Variants in ACRV1 observed in about 807,000 individuals in gnomAD.
The protein encoded by ACRV1 is acrosomal vesicle protein 1.
Under a neutral mutation model 29.2 loss-of-function variants are expected in ACRV1, and 17 were observed. The observed-to-expected ratio is 0.58, with a 90% CI of 0.40 to 0.87. The LOEUF (loss-of-function observed/expected upper bound fraction) is 0.87. ACRV1 is among the 40% of genes least tolerant of loss of function. The pLI is 0.00. For missense variants in ACRV1, 294 were observed against 316.0 expected, an observed-to-expected ratio of 0.93 and a Z score of 0.53; for synonymous variants, 98 against 111.6, an observed-to-expected ratio of 0.88 and a Z score of 0.77.
At chr11:125,676,323 C>T (rs2134119258) in intron 3 of ACRV1, 36 bp downstream of exon 3, 1 of 1,612,492 alleles carries the variant, frequency 6.2e-7, no homozygotes, top group East Asian at 2.2e-5. Context: ...TTGATGTGTT[C>T]TCAGGCAGAA....
At position 125,672,611 on chromosome 11, in the gene ACRV1, A is replaced by C. The variant is rs1444077310; in HGVS notation, c.780T>G (p.Ser260=). 1 of 1,614,006 alleles carries C rather than the reference A, an allele frequency of 6.2e-7. No individual in the cohort carries two copies. Among genetic ancestry groups the C allele is most frequent in the Non-Finnish European group, 8.5e-7 (1 of 1,180,024 alleles). ...CAGGCTTCTAGATCTTATTGCAGAA[A>C]GATTGATTTCGACAGCATATAATTT... ...RMQIICCRNQ[S]FCNKI is the part of the protein sequence containing the mutation. Residue 260 remains serine (S), a synonymous_variant, in exon 4 of 4, where the codon TCT becomes TCG. Transcript: ENST00000533904.
At chr11:125,678,988 A>ATATG (rs138708280) in intron 1 of ACRV1, among the ~76,000 whole-genome samples, 2 of 140,046 alleles carry the variant, frequency 1.4e-5, no homozygotes, top group African/African-American at 5.3e-5. Flanking sequence ...TTATATATAT[A>ATATG]TATATATATA....
chr11:125,672,390 T>A lies in ACRV1; in HGVS notation c.*203A>T. 5.7e-6 allele frequency: 3 copies of A among 530,916 alleles called. No homozygotes were observed. The highest frequency in any genetic ancestry group is 3.2e-6 in the Non-Finnish European group (1 of 316,828). The allele number at this position is 530,916 out of a possible 1,614,324, so 32.9% of individuals were successfully genotyped here. A position where few individuals can be genotyped will look rare whatever the true frequency, so the allele number is the denominator to read the frequency against. On this transcript the variant is annotated 3_prime_UTR_variant, in exon 4 of 4. Coordinates refer to ENST00000533904, the MANE Select transcript of ACRV1 (RefSeq NM_001612.6). ...AAATCAGGAATATTGAGAGAAAGAGTTGGAGCAGGGAAGACAGGACAGAGA... is the reference window on the plus strand; with the variant it reads ...AAATCAGGAATATTGAGAGAAAGAGATGGAGCAGGGAAGACAGGACAGAGA...
Position 125,672,492 on chromosome 11 carries a change from G to T in ACRV1, c.*101C>A. 7.3e-7 allele frequency: 1 copy of T among 1,374,196 alleles called. No individual in the cohort carries two copies. Among genetic ancestry groups the T allele is most frequent in the Non-Finnish European group, 1.0e-6 (1 of 997,540 alleles). 85.1% of individuals were successfully genotyped at this position (1,374,196 alleles called of 1,614,324 possible). A position where few individuals can be genotyped will look rare whatever the true frequency, so the allele number is the denominator to read the frequency against. On this transcript the variant is annotated 3_prime_UTR_variant, in exon 4 of 4. Transcript: ENST00000533904. ...CTAATGCTCAGGCAGAGGCAGATGTGGTCAGTTGTTGACTGGGGAAGGAAC... is the reference window on the plus strand; with the variant it reads ...CTAATGCTCAGGCAGAGGCAGATGTTGTCAGTTGTTGACTGGGGAAGGAAC...
chr11:125,678,983 T>TATATATATATATATATATATAC (rs1942658341), intron 1 of ACRV1, among the ~76,000 whole-genome samples: 1 of 138,266 alleles, frequency 7.2e-6, no homozygotes, highest in Non-Finnish European at 1.6e-5. Context: ...GCATATTATA[T>TATATATATATATATATATATAC]ATATATATAT....
Position 125,680,745 on chromosome 11 carries a change from C to G in ACRV1, c.36G>C (p.Leu12=). The change falls in exon 1 of 4, where the codon CTG becomes CTC. Residue 12 remains leucine (L), a synonymous_variant. Transcript: ENST00000533904. ...NRFLLLMSLY[L]LGSARGTSSQ... Reference sequence around the variant, plus strand: ...AACACTCACCTCTGGCAGATCCAAGCAGATAAAGACTCATTAGCAAGAGAA... The same window carrying G: ...AACACTCACCTCTGGCAGATCCAAGGAGATAAAGACTCATTAGCAAGAGAA... The G allele has an allele frequency of 6.2e-7, 1 of 1,613,738 alleles. No individual in the cohort carries two copies. Among genetic ancestry groups the G allele is most frequent in the Non-Finnish European group, 8.5e-7 (1 of 1,179,776 alleles).
At chr11:125,679,519 A>C (rs1942701660) in intron 1 of ACRV1, among the ~76,000 whole-genome samples, 4 of 152,144 alleles carry the variant, frequency 2.6e-5, no homozygotes. Context: ...TGTCTGGCCA[A>C]TCCATCTCAT....
rs1311012110 is a variant in ACRV1 at position 125,673,509 on chromosome 11, C to T, written c.674-792G>A. 2.0e-5 allele frequency among the ~76,000 whole-genome samples: 3 copies of T among 152,054 alleles called. No homozygotes were observed. In the East Asian group the frequency reaches 5.8e-4, roughly 29 times the overall value. On this transcript the variant is annotated intron_variant, in intron 3 of 3. Coordinates refer to ENST00000533904, the MANE Select transcript of ACRV1 (RefSeq NM_001612.6). ...AGCCACTGCACCTGGCCTGAAACTA[C>T]ACCCTTTCTTGATACTCTCTGCTTC...
rs993611590 is a variant in ACRV1 at position 125,671,578 on chromosome 11, T to C, written c.*1015A>G. On this transcript the variant is annotated 3_prime_UTR_variant, in exon 4 of 4. Transcript: ENST00000533904. ...TTTATATACAGTAAAATTGACTTCTTGTTGTACTGTTCTAAGAGTTCTTAG... is the reference window on the plus strand; with the variant it reads ...TTTATATACAGTAAAATTGACTTCTCGTTGTACTGTTCTAAGAGTTCTTAG... The C allele has an allele frequency of 4.6e-5, 7 of 152,192 alleles. No homozygotes were observed. The highest frequency in any genetic ancestry group is 1.0e-4 in the Non-Finnish European group (7 of 68,034). 9.4% of individuals were successfully genotyped at this position (152,192 alleles called of 1,614,324 possible).
intron 3 of ACRV1, 64 bp downstream of exon 3, chr11:125,676,295 C>A (rs144174102): frequency 6.3e-7 from 1 of 1,586,268 alleles, no homozygotes. Context: ...ATTCCAACTG[C>A]CCCCTACCAG....
At position 125,672,332 on chromosome 11, in the gene ACRV1, T is replaced by C; in HGVS notation, c.*261A>G. The C allele has an allele frequency of 2.6e-6, 1 of 391,792 alleles. No homozygotes were observed. Among genetic ancestry groups the C allele is most frequent in the Non-Finnish European group, 4.6e-6 (1 of 218,880 alleles). The allele number at this position is 391,792 out of a possible 1,614,324, so 24.3% of individuals were successfully genotyped here. On this transcript the variant is annotated 3_prime_UTR_variant, in exon 4 of 4. Transcript: ENST00000533904. ...GAAAAAAAGGTCTGTCTTGAGCCTG[T>C]GTGCTTTAACCATGTGAAATTTATT...
chr11:125,673,690 A>AAT (rs1169760953), intron 3 of ACRV1, among the ~76,000 whole-genome samples: 1 of 152,210 alleles, frequency 6.6e-6, no homozygotes, highest in Non-Finnish European at 1.5e-5. Context: ...GAAACTCATT[A>AAT]CTTTCCTCCC....
At chr11:125,677,256 T>C (rs1942555451) in intron 2 of ACRV1, among the ~76,000 whole-genome samples, 1 of 152,256 alleles carries the variant, frequency 6.6e-6, no homozygotes, top group Non-Finnish European at 1.5e-5. Flanking sequence ...TCTTGTTTTC[T>C]TTCCCAGAAC....
intron 3 of ACRV1, among the ~76,000 whole-genome samples, chr11:125,673,101 C>T (rs1378722160): frequency 6.6e-6 from 1 of 151,840 alleles, no homozygotes; most frequent in African/African-American, 2.4e-5. Context: ...GCCGAAACCT[C>T]TCTCAAAAGT....
chr11:125,680,583 T>C, intron 1 of ACRV1, 146 bp downstream of exon 1: 4 of 685,654 alleles, frequency 5.8e-6, no homozygotes, highest in Non-Finnish European at 1.0e-5. Flanking sequence ...GTTCAGGAGC[T>C]CTCCGAGTTG....
At chr11:125,673,314 C>T (rs772608213) in intron 3 of ACRV1, among the ~76,000 whole-genome samples, 6 of 151,742 alleles carry the variant, frequency 4.0e-5, no homozygotes, top group Non-Finnish European at 7.4e-5. Context: ...AAGCGATTGT[C>T]CTCCCTCAGC....
At chr11:125,674,173 A>G (rs764841939) in intron 3 of ACRV1, among the ~76,000 whole-genome samples, 2 of 152,334 alleles carry the variant, frequency 1.3e-5, no homozygotes, top group South Asian at 2.1e-4. Flanking sequence ...GTAAGGAACT[A>G]TGCTAGACTC....
At chr11:125,676,945 A>T (rs1245047287) in intron 2 of ACRV1, among the ~76,000 whole-genome samples, 1 of 152,008 alleles carries the variant, frequency 6.6e-6, no homozygotes, top group Admixed American at 6.6e-5. Flanking sequence ...GTCCTTCTCC[A>T]TTTTCAAATT....
chr11:125,680,186 T>C (rs944997633), intron 1 of ACRV1, among the ~76,000 whole-genome samples: 1 of 152,194 alleles, frequency 6.6e-6, no homozygotes, highest in Non-Finnish European at 1.5e-5. Flanking sequence ...CTTTCTGCTG[T>C]AGGAGGCAGG....
Sources: gnomAD v4.1 joint callset for allele counts (sites outside exome capture counted in the v4.1 genomes callset) on GRCh38, gnomAD v4.1.1 for gene constraint, MANE v1.5 for transcripts, NCBI Gene and HGNC (gene_info 2026-07-23, HGNC 2026-07-21) for gene names.